Variants in CNKSR2 observed in about 807,000 individuals in gnomAD.
CNKSR2 encodes connector enhancer of kinase suppressor of Ras 2, also known as CNK homolog protein 2.
CNKSR2 carries 14 observed loss-of-function variants against 84.4 expected under a neutral mutation model. The ratio of observed to expected loss-of-function variants is 0.17; its 90% CI spans 0.11 to 0.26. The LOEUF (loss-of-function observed/expected upper bound fraction) is 0.26. CNKSR2 is among the 10% of genes least tolerant of loss of function. CNKSR2 has a pLI of 1.00. For missense variants in CNKSR2, 485 were observed against 771.2 expected, an observed-to-expected ratio of 0.63 and a Z score of 4.40; for synonymous variants, 275 against 277.9, an observed-to-expected ratio of 0.99 and a Z score of 0.10.
chrX:21,589,090 C>T (rs1449335884), intron 13 of CNKSR2, among the ~76,000 whole-genome samples: 1 of 112,264 alleles, frequency 8.9e-6, no homozygotes, highest in African/African-American at 3.2e-5. Flanking sequence ...ATTTCTATAA[C>T]CATGCATGCT....
intron 11 of CNKSR2, among the ~76,000 whole-genome samples, chrX:21,550,448 AACAC>A (rs2092076016): frequency 8.9e-6 from 1 of 112,363 alleles, no homozygotes; most frequent in Non-Finnish European, 1.9e-5. Flanking sequence ...GAGAAATAGG[AACAC>A]TTTGACACTG....
intron 18 of CNKSR2, among the ~76,000 whole-genome samples, chrX:21,604,948 C>T (rs1258866840): frequency 8.9e-6 from 1 of 111,850 alleles, no homozygotes; most frequent in African/African-American, 3.3e-5. Flanking sequence ...ATCTAGGTCA[C>T]ACTGTCCTGT....
chrX:21,421,081 G>A (rs765302879), intron 1 of CNKSR2, among the ~76,000 whole-genome samples: 13 of 111,135 alleles, frequency 1.2e-4, no homozygotes, highest in Non-Finnish European at 2.5e-4. Flanking sequence ...TGATGATTCC[G>A]CTCTGGCTAG....
At chrX:21,617,363 A>G (rs1040417033) in intron 20 of CNKSR2, among the ~76,000 whole-genome samples, 2 of 111,600 alleles carry the variant, frequency 1.8e-5, no homozygotes, top group Non-Finnish European at 1.9e-5. Context: ...TTTACCTCCT[A>G]TGGTTGGTTA....
intron 1 of CNKSR2, among the ~76,000 whole-genome samples, chrX:21,392,139 A>G (rs913225082): frequency 5.5e-5 from 6 of 109,742 alleles, no homozygotes; most frequent in African/African-American, 1.4e-4. Context: ...TTTGGTTACA[A>G]TCATTCAACA....
intron 1 of CNKSR2, among the ~76,000 whole-genome samples, chrX:21,391,905 C>T (rs1006463317): frequency 2.7e-5 from 3 of 111,805 alleles, no homozygotes; most frequent in Non-Finnish European, 5.6e-5. Flanking sequence ...GCTACCAGGC[C>T]ACTTCTTGAA....
intron 1 of CNKSR2, among the ~76,000 whole-genome samples, chrX:21,381,349 A>G (rs1245607355): frequency 8.9e-6 from 1 of 111,822 alleles, no homozygotes; most frequent in Non-Finnish European, 1.9e-5. Flanking sequence ...CAGATGCATC[A>G]GTGGAAAAGT....
chrX:21,608,892 G>T (rs913237607), intron 19 of CNKSR2, among the ~76,000 whole-genome samples, 179 bp from the exon 20 acceptor site: 2 of 111,813 alleles, frequency 1.8e-5, no homozygotes, highest in Non-Finnish European at 3.8e-5. Flanking sequence ...CCATGTCTCT[G>T]TCTCTTAAAA....
intron 11 of CNKSR2, among the ~76,000 whole-genome samples, chrX:21,535,103 C>A (rs1476393783): frequency 1.8e-5 from 2 of 110,976 alleles, no homozygotes; most frequent in Non-Finnish European, 3.8e-5. Context: ...ATATGGATAT[C>A]CAGTTTTCCC....
At chrX:21,534,285 G>A (rs956399820) in intron 11 of CNKSR2, among the ~76,000 whole-genome samples, 1 of 109,342 alleles carries the variant, frequency 9.1e-6, no homozygotes, top group Non-Finnish European at 1.9e-5. Context: ...TTAGAGCTGA[G>A]TAATATTCTG....
At chrX:21,484,286 G>A (rs1036546285) in intron 5 of CNKSR2, among the ~76,000 whole-genome samples, 5 of 109,178 alleles carry the variant, frequency 4.6e-5, no homozygotes, top group Non-Finnish European at 3.8e-5. Flanking sequence ...GTGAGACTTC[G>A]TTTCAAAACA....
intron 20 of CNKSR2, among the ~76,000 whole-genome samples, chrX:21,624,946 A>C (rs1251015485): frequency 5.3e-5 from 6 of 112,153 alleles, no homozygotes; most frequent in Non-Finnish European, 1.1e-4. Context: ...AAATGATAGA[A>C]GCCATGAGGC....
chrX:21,480,899 T>G (rs767261007), intron 5 of CNKSR2, among the ~76,000 whole-genome samples: 1 of 112,043 alleles, frequency 8.9e-6, no homozygotes, highest in African/African-American at 3.2e-5. Flanking sequence ...ATATTTGATA[T>G]TTACTTGCCA....
In CNKSR2 at chrX:21,459,232, C is replaced by G. The variant is rs990041715; in HGVS notation, c.520-11534C>G. ...AGAGACAGGGTTTCACCATGTTGGCCAAGCTGGTCTCGAACTTCTGACCTC... is the reference window on the plus strand; with the variant it reads ...AGAGACAGGGTTTCACCATGTTGGCGAAGCTGGTCTCGAACTTCTGACCTC... On this transcript the variant is annotated intron_variant, in intron 4 of 21. Transcript: ENST00000379510. Among the ~76,000 whole-genome samples, 4 of 110,329 alleles carry G rather than the reference C, an allele frequency of 3.6e-5. No individual in the cohort carries two copies. In the South Asian group the frequency reaches 1.6e-3, roughly 43 times the overall value.
At chrX:21,637,594 T>C (rs777121346) in intron 20 of CNKSR2, among the ~76,000 whole-genome samples, 171 of 111,478 alleles carry the variant, frequency 1.5e-3, no homozygotes, top group Non-Finnish European at 2.6e-3. Flanking sequence ...CAACCTTTTA[T>C]GAGAAAATAG....
At chrX:21,548,694 C>T (rs922099168) in intron 11 of CNKSR2, among the ~76,000 whole-genome samples, 14 of 111,917 alleles carry the variant, frequency 1.3e-4, no homozygotes, top group Non-Finnish European at 2.4e-4. Flanking sequence ...CAAACCAAAT[C>T]CAGCAGCACA....
intron 8 of CNKSR2, among the ~76,000 whole-genome samples, chrX:21,508,719 G>A (rs1282564474): frequency 9.0e-6 from 1 of 111,707 alleles, no homozygotes; most frequent in Non-Finnish European, 1.9e-5. Context: ...CACAGCTTTG[G>A]AATCAGCTTA....
chrX:21,379,499 T>C (rs897992451), intron 1 of CNKSR2, among the ~76,000 whole-genome samples: 1 of 112,511 alleles, frequency 8.9e-6, no homozygotes, highest in Non-Finnish European at 1.9e-5. Flanking sequence ...AGAAGAAATA[T>C]ATCTTTTCCA....
chrX:21,386,824 G>A (rs2089976700), intron 1 of CNKSR2, among the ~76,000 whole-genome samples: 1 of 111,738 alleles, frequency 8.9e-6, no homozygotes, highest in Non-Finnish European at 1.9e-5. Context: ...AAAAAAAATT[G>A]TGAACTGTGG....
Sources: gnomAD v4.1 joint callset for allele counts (sites outside exome capture counted in the v4.1 genomes callset) on GRCh38, gnomAD v4.1.1 for gene constraint, MANE v1.5 for transcripts, NCBI Gene and HGNC (gene_info 2026-07-23, HGNC 2026-07-21) for gene names.